PCDHA3: variants seen among roughly 807,000 people sequenced by gnomAD.
The protein encoded by PCDHA3 is protocadherin alpha-3.
Under a neutral mutation model 62.2 loss-of-function variants are expected in PCDHA3, and 41 were observed. That is an observed-to-expected ratio of 0.66 (90% CI 0.51 to 0.86). PCDHA3 has a LOEUF of 0.86. Ranked by LOEUF, PCDHA3 falls within the 40% of genes least tolerant of loss-of-function variation. The probability of loss-of-function intolerance (pLI) is 0.00; values close to 1 mark genes in which losing one functional copy is unlikely to be tolerated. For synonymous variants in PCDHA3, 640 were observed against 555.4 expected (o/e 1.15, Z -2.14); for missense variants, 1,304 against 1,241.2 (o/e 1.05, Z -0.76).
chr5:141,011,745 A>G lies in PCDHA3; in HGVS notation c.*1808A>G, dbSNP rs1378591918. 3 of 153,762 alleles carry G rather than the reference A, an allele frequency of 2.0e-5. No individual in the cohort carries two copies. The highest frequency in any genetic ancestry group is 1.9e-4 in the East Asian group (1 of 5,196). 9.5% of individuals were successfully genotyped at this position (153,762 alleles called of 1,614,324 possible). ...GGGTGTGCAAGCACAAATTTTACCA[A>G]TCTGACCTCTTTGAAGTTGCAGAAT... On this transcript the variant is annotated 3_prime_UTR_variant, in exon 4 of 4. Coordinates refer to ENST00000522353, the MANE Select transcript of PCDHA3 (RefSeq NM_018906.3).
At chr5:140,996,596 C>G (rs1343501273) in intron 3 of PCDHA3, among the ~76,000 whole-genome samples, 1 of 152,156 alleles carries the variant, frequency 6.6e-6, no homozygotes. Flanking sequence ...CCGCCTCCCC[C>G]CATTTTCATT....
At chr5:140,828,891 C>T (rs2150160213) in intron 1 of PCDHA3, 9 of 1,614,240 alleles carry the variant, frequency 5.6e-6, no homozygotes, top group Non-Finnish European at 7.6e-6. Context: ...CTGAATGCTT[C>T]TGATCGGGAT....
chr5:140,874,676 G>A (rs1487161384), intron 1 of PCDHA3, among the ~76,000 whole-genome samples: 4 of 152,136 alleles, frequency 2.6e-5, no homozygotes, highest in African/African-American at 9.7e-5. Context: ...CTATTCCTGA[G>A]ATTTGTTTTA....
intron 3 of PCDHA3, among the ~76,000 whole-genome samples, chr5:140,993,108 G>A (rs1554253416): frequency 6.6e-6 from 1 of 152,202 alleles, no homozygotes; most frequent in African/African-American, 2.4e-5. Flanking sequence ...TCAGCGGTCA[G>A]TGTCACATCA....
chr5:140,873,211 T>C (rs560514188), intron 1 of PCDHA3, among the ~76,000 whole-genome samples: 2 of 152,272 alleles, frequency 1.3e-5, no homozygotes, highest in Admixed American at 6.5e-5. Flanking sequence ...TCTTTAAGTA[T>C]TAAAGAGAAG....
intron 2 of PCDHA3, among the ~76,000 whole-genome samples, chr5:140,981,879 A>G (rs1472110145): frequency 3.9e-5 from 6 of 152,158 alleles, no homozygotes; most frequent in Non-Finnish European, 7.3e-5. Context: ...TGCTGAATTA[A>G]TCTCTTCTGA....
intron 1 of PCDHA3, chr5:140,860,177 G>A (rs1218765460): frequency 6.7e-6 from 1 of 148,372 alleles, no homozygotes; most frequent in Admixed American, 6.7e-5. Flanking sequence ...ATATATATAT[G>A]ATGGGCTCTC....
At chr5:140,922,577 T>C (rs155818) in intron 1 of PCDHA3, among the ~76,000 whole-genome samples, 48,013 of 152,060 alleles carry the variant, frequency 0.32, 7,938 homozygotes, top group East Asian at 0.53. Flanking sequence ...AGTTGCCCTG[T>C]AGCCGCCAGT....
chr5:140,828,895 T>C (rs1770010925), intron 1 of PCDHA3: 1 of 1,614,106 alleles, frequency 6.2e-7, no homozygotes, highest in African/African-American at 1.3e-5. Flanking sequence ...ATGCTTCTGA[T>C]CGGGATGAAG....
At chr5:140,928,506 A>G (rs1554205940) in intron 1 of PCDHA3, 4 of 1,614,090 alleles carry the variant, frequency 2.5e-6, no homozygotes, top group African/African-American at 1.3e-5. Context: ...GAAGTGCAAC[A>G]GTGACTATAA....
chr5:140,996,814 G>T (rs1186688734), intron 3 of PCDHA3, among the ~76,000 whole-genome samples: 1 of 152,144 alleles, frequency 6.6e-6, no homozygotes, highest in African/African-American at 2.4e-5. Flanking sequence ...CTTTCCAAAA[G>T]TAACCACTAC....
chr5:140,850,035 A>G, intron 1 of PCDHA3: 1 of 1,596,458 alleles, frequency 6.3e-7, no homozygotes, highest in Non-Finnish European at 8.6e-7. Flanking sequence ...GCACGCGGAG[A>G]GCGGCAAGGT....
At chr5:140,927,166 G>A in intron 1 of PCDHA3, 1 of 1,614,188 alleles carries the variant, frequency 6.2e-7, no homozygotes. Context: ...GGCCAAAGCT[G>A]CCTGCGTCTT....
chr5:140,903,334 G>A (rs1451948444), intron 1 of PCDHA3, among the ~76,000 whole-genome samples: 2 of 152,132 alleles, frequency 1.3e-5, no homozygotes, highest in Non-Finnish European at 2.9e-5. Context: ...TTGAGGAAAG[G>A]ATGCATTTTA....
At chr5:141,005,311 A>C (rs2098206135) in intron 3 of PCDHA3, among the ~76,000 whole-genome samples, 6 of 152,310 alleles carry the variant, frequency 3.9e-5, no homozygotes, top group Middle Eastern at 6.8e-3. Flanking sequence ...TGAATCTTAC[A>C]GTGGTAGAGA....
intron 1 of PCDHA3, among the ~76,000 whole-genome samples, chr5:140,918,519 G>A (rs2078736782): frequency 6.6e-6 from 1 of 152,068 alleles, no homozygotes. Flanking sequence ...AACTTATTGA[G>A]GATTGTTTTA....
chr5:140,895,665 A>G (rs782373926), intron 1 of PCDHA3, among the ~76,000 whole-genome samples: 1 of 152,114 alleles, frequency 6.6e-6, no homozygotes, highest in Non-Finnish European at 1.5e-5. Flanking sequence ...AAGTGAGAAC[A>G]TGTAGTATTT....
chr5:140,837,994 C>CT lies in PCDHA3; in HGVS notation c.2394+34411dup, dbSNP rs2150281652. Among the ~76,000 whole-genome samples, 95 of 150,614 alleles carry CT rather than the reference C, an allele frequency of 6.3e-4. 1 individual carries two copies. Among genetic ancestry groups the CT allele is most frequent in the African/African-American group, 9.0e-4 (37 of 40,918 alleles). On this transcript the variant is annotated intron_variant, in intron 1 of 3. Transcript: ENST00000522353. ...ACACCCAGCCTGCCTTTCATCTTTC[C>CT]TTTTTTTTAAAAAAAGAAGTGATTA... is the stretch of plus-strand genomic sequence containing the variant.
chr5:140,921,587 A>G (rs970982898), intron 1 of PCDHA3, among the ~76,000 whole-genome samples: 2 of 152,228 alleles, frequency 1.3e-5, no homozygotes, highest in Non-Finnish European at 2.9e-5. Context: ...ATACTATATT[A>G]TGGTTTCAAA....
Sources: gnomAD v4.1 joint callset for allele counts (sites outside exome capture counted in the v4.1 genomes callset) on GRCh38, gnomAD v4.1.1 for gene constraint, MANE v1.5 for transcripts, NCBI Gene and HGNC (gene_info 2026-07-23, HGNC 2026-07-21) for gene names.